The following INSL6 variants were observed in gnomAD, a reference collection of about 807,000 sequenced individuals.
The protein encoded by INSL6 is insulin like 6.
In INSL6, 16 loss-of-function variants were observed where a neutral mutation model predicts 9.4. The ratio of observed to expected loss-of-function variants is 1.70; its 90% CI spans 1.15 to 2.59. The LOEUF is 2.59. Among genes scored for constraint, INSL6 ranks in the 30% most tolerant of loss-of-function variants. The pLI, the probability that INSL6 is intolerant of heterozygous loss-of-function variation, is 0.00. For missense variants in INSL6, 391 were observed against 257.3 expected (o/e 1.52, Z -3.56); for synonymous variants, 154 against 96.9 (o/e 1.59, Z -3.46).
the INSL6 span, among the ~76,000 whole-genome samples, chr9:5,057,580 C>CTTTT: frequency 8.0e-4 from 93 of 116,730 alleles, no homozygotes; most frequent in Middle Eastern, 4.5e-3. Flanking sequence ...ATTCTACTTT[C>CTTTT]TTTTTTTTTT....
chr9:5,041,547 C>G, the INSL6 span: 1 of 532,824 alleles, frequency 1.9e-6, no homozygotes, highest in African/African-American at 1.9e-5. Flanking sequence ...CGAGAACTTC[C>G]CAGAGGAGAT....
the INSL6 span, among the ~76,000 whole-genome samples, chr9:5,018,785 G>T: frequency 6.6e-6 from 1 of 152,194 alleles, no homozygotes; most frequent in African/African-American, 2.4e-5. Flanking sequence ...GCTGGGTATA[G>T]TATCCTTGAC....
chr9:5,123,186 G>A (rs77768782), downstream of INSL6: 10 of 1,118,286 alleles, frequency 8.9e-6, no homozygotes, highest in Non-Finnish European at 1.2e-5. Context: ...AAATTTATGG[G>A]GTACAAGTAC....
At chr9:5,004,008 T>A in the INSL6 span, among the ~76,000 whole-genome samples, 3 of 152,096 alleles carry the variant, frequency 2.0e-5, no homozygotes, top group Admixed American at 1.3e-4. Flanking sequence ...ATTTAAAAAA[T>A]TTTTTTCTAA....
chr9:5,149,406 C>T (rs1391107451), intron 2 of INSL6, among the ~76,000 whole-genome samples: 1 of 152,174 alleles, frequency 6.6e-6, no homozygotes, highest in Non-Finnish European at 1.5e-5. Context: ...ATCTTGCTTA[C>T]CTTCCTACCC....
At chr9:5,061,079 TC>T in the INSL6 span, among the ~76,000 whole-genome samples, 1 of 152,186 alleles carries the variant, frequency 6.6e-6, no homozygotes, top group Non-Finnish European at 1.5e-5. Flanking sequence ...CTTAAAATAG[TC>T]AGTAAACCAT....
the INSL6 span, among the ~76,000 whole-genome samples, chr9:5,042,441 C>G: frequency 1.3e-5 from 2 of 152,132 alleles, no homozygotes; most frequent in African/African-American, 2.4e-5. Flanking sequence ...CCGGCCAAGA[C>G]TGGCCAAAAT....
chr9:5,146,012 G>C (rs1233960994), intron 2 of INSL6, among the ~76,000 whole-genome samples: 5 of 152,126 alleles, frequency 3.3e-5, no homozygotes, highest in Non-Finnish European at 2.9e-5. Context: ...GTCATTTGGA[G>C]GAAAGAAGGT....
At chr9:5,108,718 T>C in the INSL6 span, 1 of 151,946 alleles carries the variant, frequency 6.6e-6, no homozygotes, top group Non-Finnish European at 1.5e-5. Flanking sequence ...ACACTATCCC[T>C]ATGAGGGATA....
At chr9:5,033,935 C>T in the INSL6 span, among the ~76,000 whole-genome samples, 25 of 152,248 alleles carry the variant, frequency 1.6e-4, no homozygotes, top group African/African-American at 5.8e-4. Context: ...AATTAAAAGA[C>T]ACAGACTGGT....
At chr9:5,041,533 T>A in the INSL6 span, 5 of 541,234 alleles carry the variant, frequency 9.2e-6, no homozygotes, top group Middle Eastern at 6.7e-4. Flanking sequence ...ATCGAAGTGC[T>A]CTGCGAGAAC....
the INSL6 span, among the ~76,000 whole-genome samples, chr9:5,096,349 C>G: frequency 2.6e-5 from 4 of 152,144 alleles, no homozygotes; most frequent in African/African-American, 9.7e-5. Context: ...CCAAGGACTG[C>G]AAAACTCTAT....
chr9:5,112,417 C>T, the INSL6 span: 39 of 481,846 alleles, frequency 8.1e-5, no homozygotes, highest in Non-Finnish European at 1.4e-4. Context: ...GAGGAGAACA[C>T]GTCGGCGGCT....
the INSL6 span, chr9:5,112,539 G>A: frequency 6.7e-6 from 4 of 598,888 alleles, no homozygotes; most frequent in South Asian, 6.8e-5. Flanking sequence ...CCGAGTGGGA[G>A]AAGCAGGTGG....
At chr9:5,069,210 T>G in the INSL6 span, 1 of 1,589,316 alleles carries the variant, frequency 6.3e-7, no homozygotes, top group Non-Finnish European at 8.6e-7. Context: ...AGCCAAAAGG[T>G]AAGATAATTT....
chr9:5,148,813 G>T (rs1824652915), intron 2 of INSL6, among the ~76,000 whole-genome samples: 1 of 152,214 alleles, frequency 6.6e-6, no homozygotes, highest in Admixed American at 6.5e-5. Flanking sequence ...TTCCCAGGCT[G>T]TCAGAATGTA....
the INSL6 span, among the ~76,000 whole-genome samples, chr9:4,999,093 G>A: frequency 6.6e-6 from 1 of 152,046 alleles, no homozygotes; most frequent in Admixed American, 6.6e-5. Flanking sequence ...CCAAAGTGCT[G>A]GGATTACAGG....
chr9:5,134,062 A>G (rs1564034265), intron 2 of INSL6, among the ~76,000 whole-genome samples: 1 of 152,222 alleles, frequency 6.6e-6, no homozygotes, highest in Non-Finnish European at 1.5e-5. Context: ...GAGTATCAAC[A>G]GCTGAATCGG....
At chr9:5,138,876 T>C (rs1250758895) in intron 2 of INSL6, among the ~76,000 whole-genome samples, 3 of 151,592 alleles carry the variant, frequency 2.0e-5, no homozygotes, top group Non-Finnish European at 4.4e-5. Context: ...CCAAGTACTC[T>C]TCTGTCGGGT....
Sources: allele counts gnomAD v4.1 joint callset (sites outside exome capture counted in the v4.1 genomes callset), GRCh38; gene constraint gnomAD v4.1.1; transcripts MANE v1.5; gene names NCBI Gene and HGNC (gene_info 2026-07-23, HGNC 2026-07-21).